TOGARAM2: variants seen among roughly 807,000 people sequenced by gnomAD.
TOGARAM2 encodes TOG array regulator of axonemal microtubules 2.
A neutral mutation model predicts 93.3 loss-of-function variants in TOGARAM2; 85 were observed. The ratio of observed to expected loss-of-function variants is 0.91; its 90% CI spans 0.76 to 1.09. The LOEUF (loss-of-function observed/expected upper bound fraction) is 1.09. TOGARAM2 is among the 50% of genes least tolerant of loss of function. TOGARAM2 has a pLI of 0.00. For synonymous variants in TOGARAM2, 593 were observed against 552.8 expected (o/e 1.07, Z -1.02); for missense variants, 1,277 against 1,334.5 (o/e 0.96, Z 0.67).
At chr2:28,979,408 CAG>C (rs994787378), upstream of TOGARAM2, among the ~76,000 whole-genome samples, 3 of 152,236 alleles carry the variant, frequency 2.0e-5, no homozygotes, top group African/African-American at 7.2e-5. Context: ...AACCAAGACT[CAG>C]AGAGTTTGTT....
intron 10 of TOGARAM2, among the ~76,000 whole-genome samples, chr2:29,021,252 G>A (rs1039102665): frequency 1.3e-5 from 2 of 152,180 alleles, no homozygotes; most frequent in Non-Finnish European, 1.5e-5. Context: ...TCTCCACTCA[G>A]ACTTGCCTAG....
At position 29,023,019 on chromosome 2, in the gene TOGARAM2, A is replaced by G; in HGVS notation, c.1512-67A>G. 3 of 1,412,654 alleles carry G rather than the reference A, an allele frequency of 2.1e-6. No homozygotes were observed. The South Asian group carries it at 3.8e-5, about 18-fold the overall frequency. 87.5% of individuals were successfully genotyped at this position (1,412,654 alleles called of 1,614,324 possible). A position where few individuals can be genotyped will look rare whatever the true frequency, so the allele number is the denominator to read the frequency against. On this transcript the variant is annotated intron_variant, in intron 11 of 19. Coordinates refer to ENST00000379558, the MANE Select transcript of TOGARAM2 (RefSeq NM_199280.4). Reference sequence around the variant, plus strand: ...TGATGGTGTGTGATGTGGGGCCCCTAGTCTGCAGAGGGGTGGGGCTCCTCC... The same window carrying G: ...TGATGGTGTGTGATGTGGGGCCCCTGGTCTGCAGAGGGGTGGGGCTCCTCC...
chr2:28,989,984 G>T (rs561395328), intron 1 of TOGARAM2, among the ~76,000 whole-genome samples: 20 of 152,326 alleles, frequency 1.3e-4, no homozygotes, highest in Middle Eastern at 3.4e-3. Context: ...GCCGAACTCT[G>T]GAGGTCAGAG....
chr2:29,001,217 C>T (rs951232699), intron 4 of TOGARAM2, among the ~76,000 whole-genome samples: 4 of 152,212 alleles, frequency 2.6e-5, no homozygotes, highest in Non-Finnish European at 5.9e-5. Context: ...TCCATCCTTT[C>T]AGCTCCCCAC....
intron 1 of TOGARAM2, among the ~76,000 whole-genome samples, chr2:28,983,451 C>T (rs753401482): frequency 2.0e-5 from 3 of 151,998 alleles, no homozygotes; most frequent in Non-Finnish European, 2.9e-5. Context: ...TTTCACTAAA[C>T]ATTACGCTGT....
chr2:29,026,957 A>G lies in TOGARAM2; in HGVS notation c.1958A>G (p.Asp653Gly). 1 of 1,570,994 alleles carries G rather than the reference A, an allele frequency of 6.4e-7. No homozygotes were observed. The highest frequency in any genetic ancestry group is 8.6e-7 in the Non-Finnish European group (1 of 1,158,004). The change falls in exon 14 of 20, where the codon GAC becomes GGC. Residue 653 changes from aspartate to glycine, a missense_variant. Asp to Gly is a moderately conservative substitution (Grantham distance 94). Transcript: ENST00000379558. ...CTCTCGGGCACCAGAGACAGCACAG[A>G]CATGTTGGTGCACAACCTGGTGAGG... ...KLLSGTRDST[D>G]MLVHNLVRLA...
chr2:29,042,328 C>T (rs1267522745), intron 18 of TOGARAM2, among the ~76,000 whole-genome samples: 1 of 152,252 alleles, frequency 6.6e-6, no homozygotes, highest in Non-Finnish European at 1.5e-5. Context: ...GTGTGCTGTG[C>T]ACCGTGGGAG....
intron 7 of TOGARAM2, among the ~76,000 whole-genome samples, chr2:29,013,000 G>A (rs1328360288): frequency 2.0e-5 from 3 of 152,196 alleles, no homozygotes; most frequent in African/African-American, 7.2e-5. Flanking sequence ...AGAGGACCTG[G>A]GTGACCTGGG....
intron 6 of TOGARAM2, among the ~76,000 whole-genome samples, chr2:29,005,371 C>T (rs1315099812): frequency 1.3e-4 from 7 of 52,266 alleles, no homozygotes; most frequent in South Asian, 1.2e-3. Context: ...TGTGTGAGAA[C>T]GTGCATGTAT....
chr2:29,036,180 C>A (rs1341692163), intron 17 of TOGARAM2, among the ~76,000 whole-genome samples: 1 of 152,128 alleles, frequency 6.6e-6, no homozygotes, highest in African/African-American at 2.4e-5. Context: ...GCTGTGTGAT[C>A]TCAGGCAAAT....
chr2:29,045,432 C>A (rs1666686009), intron 19 of TOGARAM2, 22 bp downstream of exon 19: 2 of 1,598,132 alleles, frequency 1.3e-6, no homozygotes, highest in Non-Finnish European at 1.7e-6. Context: ...CAGCCCCACC[C>A]CACCCCATCT....
At chr2:28,990,734 C>A (rs1032692957) in intron 1 of TOGARAM2, among the ~76,000 whole-genome samples, 1 of 152,054 alleles carries the variant, frequency 6.6e-6, no homozygotes, top group African/African-American at 2.4e-5. Context: ...TCCTGTCGGG[C>A]GTGACAGTGA....
chr2:29,037,877 T>C (rs988262279), intron 18 of TOGARAM2, among the ~76,000 whole-genome samples: 1 of 152,214 alleles, frequency 6.6e-6, no homozygotes, highest in Non-Finnish European at 1.5e-5. Context: ...TAACCAAGGC[T>C]CTTGGTAAAT....
At chr2:29,039,856 G>A (rs1278378987) in intron 18 of TOGARAM2, among the ~76,000 whole-genome samples, 1 of 152,204 alleles carries the variant, frequency 6.6e-6, no homozygotes, top group Non-Finnish European at 1.5e-5. Context: ...AGTTACAGAA[G>A]AAACTTCGCT....
At chr2:29,036,475 C>T (rs1160295743) in intron 17 of TOGARAM2, 66 bp from the exon 18 acceptor site, 3 of 1,523,410 alleles carry the variant, frequency 2.0e-6, no homozygotes, top group Non-Finnish European at 2.7e-6. Flanking sequence ...CTCCAAGCTG[C>T]CTGCACTGTG....
At chr2:28,992,067 G>A (rs1672759952) in intron 1 of TOGARAM2, among the ~76,000 whole-genome samples, 1 of 152,178 alleles carries the variant, frequency 6.6e-6, no homozygotes, top group Non-Finnish European at 1.5e-5. Context: ...GCGCCTTAGT[G>A]TCCAGAGCAG....
rs1031335456 is a variant in TOGARAM2, at chr2:28,999,519, G to C, written c.427+51G>C. The C allele has an allele frequency of 2.0e-6, 3 of 1,521,870 alleles. No homozygotes were observed. The African/African-American group carries it at 4.1e-5, about 21-fold the overall frequency. The allele number at this position is 1,521,870 out of a possible 1,614,324, so 94.3% of individuals were successfully genotyped here. On this transcript the variant is annotated intron_variant, in intron 4 of 19. Coordinates refer to ENST00000379558, the MANE Select transcript of TOGARAM2 (RefSeq NM_199280.4). ...TCACCCACCCACTTCCAGGTCAAGG[G>C]CCGCAGGCCTCCAGGGCTGTGAGGG...
At chr2:29,007,682 T>G (rs1663966707) in intron 6 of TOGARAM2, among the ~76,000 whole-genome samples, 1 of 152,132 alleles carries the variant, frequency 6.6e-6, no homozygotes, top group Non-Finnish European at 1.5e-5. Context: ...CCTGATTGAA[T>G]GAATGGCGGG....
At position 29,035,656 on chromosome 2, in the gene TOGARAM2, G is replaced by A. The variant is rs371596775; in HGVS notation, c.2418G>A (p.Gln806=). ...AGCTTGTCACTGCCCACCTGGTCCAGGTGAGCACCGCTTGCTTTTACTCTC... is the reference window on the plus strand; with the variant it reads ...AGCTTGTCACTGCCCACCTGGTCCAAGTGAGCACCGCTTGCTTTTACTCTC... ...KTELVTAHLV[Q]VFDAFTPRLQ... Residue 806 remains glutamine (Q), a splice_region_variant and synonymous_variant, in exon 17 of 20, where the codon CAG becomes CAA. Transcript: ENST00000379558. 9.0e-6 allele frequency: 13 copies of A among 1,437,278 alleles called. No homozygotes were observed. Among genetic ancestry groups the A allele is most frequent in the African/African-American group, 1.4e-5 (1 of 70,082 alleles). The allele number at this position is 1,437,278 out of a possible 1,614,324, so 89.0% of individuals were successfully genotyped here.
Sources: allele counts gnomAD v4.1 joint callset (sites outside exome capture counted in the v4.1 genomes callset), GRCh38; gene constraint gnomAD v4.1.1; transcripts MANE v1.5; gene names NCBI Gene and HGNC (gene_info 2026-07-23, HGNC 2026-07-21).